Variants in TENM3 observed in about 807,000 individuals in gnomAD.
TENM3 encodes teneurin transmembrane protein 3.
Under a neutral mutation model 255.1 loss-of-function variants are expected in TENM3, and 63 were observed. The ratio of observed to expected loss-of-function variants is 0.25; its 90% CI spans 0.20 to 0.30. The LOEUF is 0.30. Among genes scored for constraint, TENM3 ranks in the 10% least tolerant of loss-of-function variants. TENM3 has a pLI of 1.00. For synonymous variants in TENM3, 1,306 were observed against 1,322.3 expected, an observed-to-expected ratio of 0.99 and a Z score of 0.27; for missense variants, 2,929 against 3,461.1, an observed-to-expected ratio of 0.85 and a Z score of 3.86.
chr4:181,817,382 TA>T, the TENM3 span, among the ~76,000 whole-genome samples: 1 of 152,160 alleles, frequency 6.6e-6, no homozygotes, highest in Non-Finnish European at 1.5e-5. Context: ...TAGCCAGAAA[TA>T]TCTGTAGACA....
the TENM3 span, among the ~76,000 whole-genome samples, chr4:182,123,242 C>T: frequency 1.3e-5 from 2 of 152,142 alleles, no homozygotes; most frequent in Admixed American, 6.6e-5. Context: ...AGCTGTTTCA[C>T]TTTTTTATCA....
At chr4:182,651,067 C>G (rs1349479131) in intron 5 of TENM3, among the ~76,000 whole-genome samples, 1 of 151,906 alleles carries the variant, frequency 6.6e-6, no homozygotes, top group Non-Finnish European at 1.5e-5. Flanking sequence ...ATAATGTGAG[C>G]AAATCTATCA....
At chr4:181,735,430 C>T in the TENM3 span, among the ~76,000 whole-genome samples, 1 of 152,128 alleles carries the variant, frequency 6.6e-6, no homozygotes, top group African/African-American at 2.4e-5. Context: ...AATCATTTTT[C>T]CTCAGTCAGA....
At chr4:182,734,566 G>A (rs557822677) in intron 16 of TENM3, among the ~76,000 whole-genome samples, 4 of 152,320 alleles carry the variant, frequency 2.6e-5, no homozygotes, top group African/African-American at 9.6e-5. Context: ...CACAATGGTA[G>A]TGGAAATGAA....
chr4:182,043,202 GA>G, the TENM3 span, among the ~76,000 whole-genome samples: 3 of 152,066 alleles, frequency 2.0e-5, no homozygotes, highest in South Asian at 4.2e-4. Context: ...TAATCAAAAT[GA>G]AAATAAAACT....
chr4:181,824,388 A>G, the TENM3 span, among the ~76,000 whole-genome samples: 1 of 152,060 alleles, frequency 6.6e-6, no homozygotes, highest in East Asian at 1.9e-4. Context: ...GGCTTGAGTC[A>G]CTGCACCCGA....
chr4:182,144,646 C>T (rs1314035374), upstream of TENM3: 3 of 147,392 alleles, frequency 2.0e-5, 1 homozygote, highest in Non-Finnish European at 4.5e-5. Context: ...GCCCCCCTCC[C>T]CCGCGCCCGG....
the TENM3 span, among the ~76,000 whole-genome samples, chr4:181,462,839 T>G: frequency 6.6e-6 from 1 of 152,192 alleles, no homozygotes; most frequent in Non-Finnish European, 1.5e-5. Flanking sequence ...AACGTTGGCT[T>G]ACTTTTCTGC....
chr4:182,024,488 G>A, the TENM3 span, among the ~76,000 whole-genome samples: 303 of 152,220 alleles, frequency 2.0e-3, 3 homozygotes, highest in Middle Eastern at 3.4e-3. Context: ...ATGATTTATG[G>A]TATATTTCTT....
Position 182,754,917 on chromosome 4 carries a change from C to T in TENM3, c.4550C>T (p.Thr1517Ile). The T allele has an allele frequency of 6.2e-7, 1 of 1,614,076 alleles. No homozygotes were observed. The highest frequency in any genetic ancestry group is 2.2e-5 in the East Asian group (1 of 44,882). Reference sequence around the variant, plus strand: ...AACTTCTATGAAGTTGCGTCTCCAACTGATCAAGAACTCTACATCTTTGAC... The same window carrying T: ...AACTTCTATGAAGTTGCGTCTCCAATTGATCAAGAACTCTACATCTTTGAC... ...SMNFYEVASP[T>I]DQELYIFDIN... Residue 1517 changes from threonine to isoleucine, a missense_variant, in exon 22 of 28, where the codon ACT becomes ATT. Transcript: ENST00000511685. This position sits in a 1 kb window ranked among gnomAD's most constrained non-coding sequence, Gnocchi z 5.1.
At chr4:182,385,266 T>TTC (rs1767835757) in intron 3 of TENM3, among the ~76,000 whole-genome samples, 1 of 144,610 alleles carries the variant, frequency 6.9e-6, no homozygotes, top group African/African-American at 2.6e-5. Flanking sequence ...GTGCGTCTTT[T>TTC]TTTTTTTTTT....
the TENM3 span, among the ~76,000 whole-genome samples, chr4:181,829,408 G>A: frequency 3.7e-3 from 565 of 152,292 alleles, 1 homozygote; most frequent in African/African-American, 0.013. Flanking sequence ...ATGTGTTAAA[G>A]GGGATGACCT....
At chr4:182,671,147 T>C (rs1034100076) in intron 6 of TENM3, among the ~76,000 whole-genome samples, 4 of 152,138 alleles carry the variant, frequency 2.6e-5, no homozygotes, top group Non-Finnish European at 5.9e-5. Context: ...AGCCAGACGC[T>C]GCAGCTTGCC....
intron 1 of TENM3, among the ~76,000 whole-genome samples, chr4:182,189,988 C>T (rs542293093): frequency 2.0e-5 from 3 of 152,210 alleles, no homozygotes; most frequent in African/African-American, 7.2e-5. Flanking sequence ...AATTTTCTTA[C>T]GAACTGTTTT....
chr4:181,699,441 G>GA, the TENM3 span, among the ~76,000 whole-genome samples: 2 of 3,512 alleles, frequency 5.7e-4, no homozygotes, highest in East Asian at 6.7e-3. Context: ...AGACCCTGTC[G>GA]CAAAAAAAAA....
intron 1 of TENM3, among the ~76,000 whole-genome samples, chr4:182,160,698 G>A (rs368649464): frequency 3.3e-5 from 5 of 152,302 alleles, no homozygotes; most frequent in South Asian, 2.1e-4. Flanking sequence ...ATGGGGAAGG[G>A]GAGACGTTGG....
rs1177146875 is a variant in TENM3, at chr4:182,801,481, T to G, written c.*1130T>G. ...GGGTTCTCTGGCCCTCTCTCAACCT[T>G]GCAAGTCAATGGGGAGTTGTTGATA... On this transcript the variant is annotated 3_prime_UTR_variant, in exon 28 of 28. Coordinates refer to ENST00000511685, the MANE Select transcript of TENM3 (RefSeq NM_001080477.4). 2.6e-5 allele frequency: 4 copies of G among 152,206 alleles called. No individual in the cohort carries two copies. The highest frequency in any genetic ancestry group is 4.4e-5 in the Non-Finnish European group (3 of 68,040). The allele number at this position is 152,206 out of a possible 1,614,324, so 9.4% of individuals were successfully genotyped here.
the TENM3 span, among the ~76,000 whole-genome samples, chr4:181,731,162 A>G: frequency 6.6e-6 from 1 of 152,190 alleles, no homozygotes; most frequent in African/African-American, 2.4e-5. Flanking sequence ...ATCATATGAG[A>G]TACATTTTTT....
At chr4:182,402,189 C>T (rs745397206) in intron 3 of TENM3, among the ~76,000 whole-genome samples, 6 of 152,158 alleles carry the variant, frequency 3.9e-5, no homozygotes, top group Non-Finnish European at 5.9e-5. Flanking sequence ...TACCTGCTCA[C>T]GTCACTCACT....
Sources: gnomAD v4.1 joint callset for allele counts (sites outside exome capture counted in the v4.1 genomes callset) on GRCh38, gnomAD v4.1.1 for gene constraint, Gnocchi (gnomAD v3.1) non-coding constraint, MANE v1.5 for transcripts, NCBI Gene and HGNC (gene_info 2026-07-23, HGNC 2026-07-21) for gene names.